Variants in L3MBTL4 observed in about 807,000 individuals in gnomAD.
The protein encoded by L3MBTL4 is lethal(3)malignant brain tumor-like protein 4.
A neutral mutation model predicts 84.5 loss-of-function variants in L3MBTL4; 70 were observed. The ratio of observed to expected loss-of-function variants is 0.83; its 90% CI spans 0.68 to 1.01. The LOEUF is 1.01. L3MBTL4 is among the 50% of genes least tolerant of loss of function. The pLI is 0.00. For synonymous variants in L3MBTL4, 274 were observed against 259.8 expected (o/e 1.05, Z -0.52); for missense variants, 715 against 754.8 (o/e 0.95, Z 0.62).
chr18:6,352,686 T>C (rs2053251931), intron 1 of L3MBTL4, among the ~76,000 whole-genome samples: 2 of 152,234 alleles, frequency 1.3e-5, no homozygotes, highest in African/African-American at 4.8e-5. Flanking sequence ...AGTGACCTTG[T>C]TTCTGCCAGG....
intron 17 of L3MBTL4, among the ~76,000 whole-genome samples, chr18:5,964,986 C>T (rs148016172): frequency 6.6e-6 from 1 of 152,212 alleles, no homozygotes; most frequent in East Asian, 1.9e-4. Flanking sequence ...TATATTAGTC[C>T]CTACTCATAA....
chr18:5,983,047 A>G (rs555404361), intron 16 of L3MBTL4, among the ~76,000 whole-genome samples: 34 of 152,346 alleles, frequency 2.2e-4, no homozygotes, highest in African/African-American at 8.2e-4. Context: ...TACCATGGAC[A>G]GTAATATGAA....
intron 16 of L3MBTL4, among the ~76,000 whole-genome samples, chr18:6,013,946 T>C (rs1012379597): frequency 6.6e-6 from 1 of 152,218 alleles, no homozygotes; most frequent in Non-Finnish European, 1.5e-5. Flanking sequence ...TCACTCCGTT[T>C]TCTCATAGCC....
chr18:6,369,048 T>TAAA (rs34169311), intron 1 of L3MBTL4, among the ~76,000 whole-genome samples: 39,928 of 137,912 alleles, frequency 0.29, 6,635 homozygotes, highest in Middle Eastern at 0.39. Context: ...TCTCAAAAAT[T>TAAA]AAAAAAAAAA....
chr18:5,978,279 T>G (rs1196096351), intron 16 of L3MBTL4, among the ~76,000 whole-genome samples: 1 of 152,208 alleles, frequency 6.6e-6, no homozygotes, highest in Non-Finnish European at 1.5e-5. Flanking sequence ...CCTGGGGTCA[T>G]CTTCACAAAA....
intron 13 of L3MBTL4, among the ~76,000 whole-genome samples, chr18:6,144,013 C>G (rs749899028): frequency 3.9e-5 from 6 of 151,926 alleles, no homozygotes; most frequent in Middle Eastern, 3.4e-3. Flanking sequence ...CTGGCTAACA[C>G]GGTGAAACCC....
intron 17 of L3MBTL4, among the ~76,000 whole-genome samples, chr18:5,962,163 C>G (rs6506351): frequency 1.3e-5 from 2 of 151,484 alleles, no homozygotes; most frequent in African/African-American, 2.4e-5. Flanking sequence ...TGTGTTCAAA[C>G]ATGCTAACAC....
intron 1 of L3MBTL4, among the ~76,000 whole-genome samples, chr18:6,333,634 A>G (rs2052164798): frequency 1.3e-5 from 2 of 152,056 alleles, no homozygotes; most frequent in South Asian, 4.1e-4. Context: ...AGCAGGATGC[A>G]GGTGGGGTGG....
At chr18:6,221,060 G>A (rs1157075197) in intron 10 of L3MBTL4, among the ~76,000 whole-genome samples, 1 of 152,128 alleles carries the variant, frequency 6.6e-6, no homozygotes, top group Non-Finnish European at 1.5e-5. Context: ...ATGTAAGAAG[G>A]TGTAATACTG....
chr18:6,067,121 G>A (rs1250719471), intron 16 of L3MBTL4, among the ~76,000 whole-genome samples: 3 of 152,162 alleles, frequency 2.0e-5, no homozygotes, highest in Admixed American at 2.0e-4. Context: ...GCCAAAGATA[G>A]GACCCCAGTC....
At chr18:6,073,161 CAG>C (rs371806337) in intron 16 of L3MBTL4, among the ~76,000 whole-genome samples, 22 of 148,474 alleles carry the variant, frequency 1.5e-4, no homozygotes, top group South Asian at 6.4e-4. Context: ...GAGGCAAAAA[CAG>C]AGAGAGAGAG....
intron 14 of L3MBTL4, among the ~76,000 whole-genome samples, chr18:6,105,296 T>C (rs2058967318): frequency 6.6e-6 from 1 of 150,920 alleles, no homozygotes; most frequent in Non-Finnish European, 1.5e-5. Flanking sequence ...GTTCAAGCGA[T>C]TCTTCTGCCT....
intron 14 of L3MBTL4, among the ~76,000 whole-genome samples, chr18:6,114,859 G>A (rs1225567665): frequency 5.9e-5 from 9 of 152,180 alleles, no homozygotes; most frequent in Non-Finnish European, 1.2e-4. Context: ...GGGAGGATGA[G>A]TCAAAGGATA....
chr18:6,120,709 A>G lies in L3MBTL4; in HGVS notation c.1199+17485T>C, dbSNP rs143949510. Among the ~76,000 whole-genome samples the G allele has an allele frequency of 3.1e-3, 478 of 152,240 alleles. 2 individuals are homozygous for G. The highest frequency in any genetic ancestry group is 0.011 in the African/African-American group (446 of 41,542). On this transcript the variant is annotated intron_variant, in intron 14 of 18. Transcript: ENST00000317931. ...CATGTTTCCTGCTTTTGTACCTTAT[A>G]TGAATGGGGTCATTCAGTAATTACT...
intron 10 of L3MBTL4, among the ~76,000 whole-genome samples, chr18:6,225,483 G>A (rs944408663): frequency 6.6e-6 from 1 of 152,178 alleles, no homozygotes; most frequent in Non-Finnish European, 1.5e-5. Flanking sequence ...AGGGTGGCCA[G>A]GCACAGTGGC....
chr18:6,319,145 A>G (rs893608246), intron 1 of L3MBTL4, among the ~76,000 whole-genome samples: 5 of 152,112 alleles, frequency 3.3e-5, no homozygotes, highest in Non-Finnish European at 2.9e-5. Flanking sequence ...CTAAGAGTAC[A>G]GTTTACAATG....
intron 10 of L3MBTL4, among the ~76,000 whole-genome samples, chr18:6,233,422 T>C (rs536630278): frequency 6.7e-6 from 1 of 149,814 alleles, no homozygotes; most frequent in East Asian, 1.9e-4. Context: ...TAGAAAACCC[T>C]ATCATCTCAG....
chr18:6,248,721 C>T (rs1179874970), intron 5 of L3MBTL4, among the ~76,000 whole-genome samples: 1 of 152,122 alleles, frequency 6.6e-6, no homozygotes, highest in East Asian at 1.9e-4. Context: ...TGGCTTTTTG[C>T]ATTACTAATG....
intron 3 of L3MBTL4, among the ~76,000 whole-genome samples, chr18:6,302,514 G>A (rs1414846389): frequency 1.3e-5 from 2 of 152,172 alleles, no homozygotes; most frequent in African/African-American, 4.8e-5. Flanking sequence ...CCACCCCATG[G>A]CGCAAGCAAG....
Sources: allele counts gnomAD v4.1 joint callset (sites outside exome capture counted in the v4.1 genomes callset), GRCh38; gene constraint gnomAD v4.1.1; transcripts MANE v1.5; gene names NCBI Gene and HGNC (gene_info 2026-07-23, HGNC 2026-07-21).